The following SGCZ variants were observed in gnomAD, a reference collection of about 807,000 sequenced individuals.
The protein encoded by SGCZ is zeta-sarcoglycan.
A neutral mutation model predicts 41.3 loss-of-function variants in SGCZ; 40 were observed. The ratio of observed to expected loss-of-function variants is 0.97; its 90% CI spans 0.75 to 1.26. The LOEUF is 1.26. SGCZ is among the 50% of genes most tolerant of loss of function. SGCZ has a pLI of 0.00. For synonymous variants in SGCZ, 206 were observed against 137.5 expected, an observed-to-expected ratio of 1.50 and a Z score of -3.49; for missense variants, 552 against 369.8, an observed-to-expected ratio of 1.49 and a Z score of -4.04.
At chr8:15,119,872 C>T (rs967462825) in intron 1 of SGCZ, among the ~76,000 whole-genome samples, 10 of 152,118 alleles carry the variant, frequency 6.6e-5, no homozygotes, top group Non-Finnish European at 1.0e-4. Context: ...TGCAGTAGTG[C>T]GATCATAACG....
At chr8:14,903,940 G>C (rs1397876526) in intron 1 of SGCZ, among the ~76,000 whole-genome samples, 5 of 151,970 alleles carry the variant, frequency 3.3e-5, no homozygotes, top group Admixed American at 2.0e-4. Flanking sequence ...ATTAACTCAA[G>C]ATACTTCTTT....
At chr8:14,993,695 T>C (rs945287182) in intron 1 of SGCZ, among the ~76,000 whole-genome samples, 3 of 151,994 alleles carry the variant, frequency 2.0e-5, no homozygotes, top group Non-Finnish European at 2.9e-5. Context: ...GAGGTAGAGA[T>C]TGTGGATGGC....
In SGCZ at chr8:15,104,714, T is replaced by C. The variant is rs566850312; in HGVS notation, c.39+132871A>G. ...CAGCATCTTCCTATTTGAGCACATATAGCTTCCCAATAACAACATATAGAA... is the reference window on the plus strand; with the variant it reads ...CAGCATCTTCCTATTTGAGCACATACAGCTTCCCAATAACAACATATAGAA... On this transcript the variant is annotated intron_variant, in intron 1 of 7. Coordinates refer to ENST00000382080, the MANE Select transcript of SGCZ (RefSeq NM_139167.4). Among the ~76,000 whole-genome samples the C allele has an allele frequency of 4.6e-5, 7 of 152,242 alleles. No individual in the cohort carries two copies. The East Asian group carries it at 5.8e-4, about 13-fold the overall frequency.
intron 2 of SGCZ, among the ~76,000 whole-genome samples, chr8:14,471,483 A>G (rs879614989): frequency 3.3e-5 from 5 of 152,106 alleles, no homozygotes; most frequent in African/African-American, 4.8e-5. Context: ...AATTATTCTG[A>G]TGACATATAC....
At chr8:14,486,921 A>G (rs376123088) in intron 2 of SGCZ, among the ~76,000 whole-genome samples, 1 of 152,280 alleles carries the variant, frequency 6.6e-6, no homozygotes, top group African/African-American at 2.4e-5. Flanking sequence ...AATCCTGAAC[A>G]TTGGAACAGA....
chr8:14,797,251 T>G (rs905171837), intron 1 of SGCZ, among the ~76,000 whole-genome samples: 4 of 152,118 alleles, frequency 2.6e-5, no homozygotes, highest in African/African-American at 9.7e-5. Context: ...CAGGAAGATT[T>G]AGAAAAGTTT....
At chr8:14,523,569 T>C (rs1802852547) in intron 2 of SGCZ, among the ~76,000 whole-genome samples, 1 of 152,046 alleles carries the variant, frequency 6.6e-6, no homozygotes. Flanking sequence ...TAAGGTGTTA[T>C]TTCCCTCTTA....
At chr8:14,175,980 A>G (rs1804530930) in intron 4 of SGCZ, among the ~76,000 whole-genome samples, 1 of 152,198 alleles carries the variant, frequency 6.6e-6, no homozygotes, top group East Asian at 1.9e-4. Flanking sequence ...ATAACGACAA[A>G]AACTAGAATC....
intron 3 of SGCZ, among the ~76,000 whole-genome samples, chr8:14,291,339 TGA>T (rs1563238545): frequency 3.6e-4 from 54 of 151,754 alleles, no homozygotes; most frequent in Non-Finnish European, 4.6e-4. Flanking sequence ...ATTTTTAAGG[TGA>T]TAGATATGCT....
chr8:14,582,006 G>C (rs1406956527), intron 1 of SGCZ, among the ~76,000 whole-genome samples: 1 of 152,064 alleles, frequency 6.6e-6, no homozygotes, highest in African/African-American at 2.4e-5. Flanking sequence ...GAGAAAGAAA[G>C]ACAAATCCTT....
chr8:14,295,657 T>C (rs1320550726), intron 3 of SGCZ, among the ~76,000 whole-genome samples: 1 of 152,026 alleles, frequency 6.6e-6, no homozygotes, highest in African/African-American at 2.4e-5. Flanking sequence ...AATACATAAA[T>C]GTGACATATT....
chr8:14,962,732 T>G (rs925761544), intron 1 of SGCZ, among the ~76,000 whole-genome samples: 1 of 152,210 alleles, frequency 6.6e-6, no homozygotes, highest in African/African-American at 2.4e-5. Flanking sequence ...CTAAACAGCA[T>G]GCTTAAACAT....
chr8:14,955,720 T>A (rs529093968), intron 1 of SGCZ, among the ~76,000 whole-genome samples: 2 of 152,218 alleles, frequency 1.3e-5, no homozygotes, highest in Non-Finnish European at 2.9e-5. Context: ...TCAAGACCTT[T>A]TTTTTCATTC....
At chr8:14,995,164 G>C (rs1163182495) in intron 1 of SGCZ, among the ~76,000 whole-genome samples, 1 of 152,248 alleles carries the variant, frequency 6.6e-6, no homozygotes, top group African/African-American at 2.4e-5. Context: ...ATTTGGACAG[G>C]GAGACACTGA....
intron 1 of SGCZ, among the ~76,000 whole-genome samples, chr8:14,969,334 A>G (rs11784231): frequency 0.074 from 11,202 of 152,180 alleles, 596 homozygotes; most frequent in African/African-American, 0.14. Context: ...ACACTGAAAC[A>G]TCTACTTTCA....
intron 2 of SGCZ, among the ~76,000 whole-genome samples, chr8:14,411,277 C>G (rs1046576495): frequency 2.6e-5 from 4 of 152,038 alleles, no homozygotes; most frequent in African/African-American, 9.7e-5. Context: ...TATTTGTGCT[C>G]TTAACAAAAA....
chr8:14,674,630 A>G (rs1014194568), intron 1 of SGCZ, among the ~76,000 whole-genome samples: 2 of 152,090 alleles, frequency 1.3e-5, no homozygotes, highest in Admixed American at 6.6e-5. Context: ...GTAATCCACA[A>G]TGTTTGACGT....
intron 4 of SGCZ, among the ~76,000 whole-genome samples, chr8:14,224,095 C>G (rs189620342): frequency 6.6e-6 from 1 of 152,152 alleles, no homozygotes. Flanking sequence ...TATTCTGGTA[C>G]CCTTAGCTCA....
At chr8:14,916,274 A>C (rs997772439) in intron 1 of SGCZ, among the ~76,000 whole-genome samples, 2 of 152,246 alleles carry the variant, frequency 1.3e-5, no homozygotes, top group African/African-American at 4.8e-5. Context: ...CAAACATAGC[A>C]GCAGTCATGC....
Sources: gnomAD v4.1 joint callset for allele counts (sites outside exome capture counted in the v4.1 genomes callset) on GRCh38, gnomAD v4.1.1 for gene constraint, MANE v1.5 for transcripts, NCBI Gene and HGNC (gene_info 2026-07-23, HGNC 2026-07-21) for gene names.